Variants in NFIB observed in about 807,000 individuals in gnomAD.
NFIB encodes nuclear factor 1 B-type.
NFIB carries 11 observed loss-of-function variants against 61.5 expected under a neutral mutation model. The ratio of observed to expected loss-of-function variants is 0.18; its 90% CI spans 0.11 to 0.30. The LOEUF is 0.30. NFIB is among the 10% of genes least tolerant of loss of function. The pLI, the probability that NFIB is intolerant of heterozygous loss-of-function variation, is 1.00. For synonymous variants in NFIB, 260 were observed against 216.5 expected, an observed-to-expected ratio of 1.20 and a Z score of -1.76; for missense variants, 471 against 608.9, an observed-to-expected ratio of 0.77 and a Z score of 2.38.
the NFIB span, among the ~76,000 whole-genome samples, chr9:14,518,901 G>T: frequency 6.6e-6 from 1 of 152,108 alleles, no homozygotes. Flanking sequence ...TGGGAGATGG[G>T]GGATTCCCAC....
chr9:14,159,622 G>A (rs909958715), intron 3 of NFIB, among the ~76,000 whole-genome samples: 7 of 152,218 alleles, frequency 4.6e-5, no homozygotes, highest in African/African-American at 1.4e-4. Context: ...TAACCAAGAC[G>A]TGGCAGAGTG....
At chr9:14,228,430 A>G (rs1216908973) in intron 2 of NFIB, among the ~76,000 whole-genome samples, 3 of 152,054 alleles carry the variant, frequency 2.0e-5, no homozygotes, top group Non-Finnish European at 2.9e-5. Flanking sequence ...TCCTGACCTC[A>G]GGTCATCTAC....
At chr9:14,190,651 T>C (rs191965815) in intron 2 of NFIB, among the ~76,000 whole-genome samples, 48 of 152,312 alleles carry the variant, frequency 3.2e-4, no homozygotes, top group Non-Finnish European at 1.5e-5. Context: ...GAGACAGTAA[T>C]TTCCTCTTGC....
At chr9:14,160,219 C>A (rs1420382289) in intron 3 of NFIB, among the ~76,000 whole-genome samples, 1 of 151,976 alleles carries the variant, frequency 6.6e-6, no homozygotes, top group Non-Finnish European at 1.5e-5. Context: ...TTTTATTTTT[C>A]TCTGACAAAA....
At chr9:14,424,694 T>A in the NFIB span, among the ~76,000 whole-genome samples, 4 of 152,212 alleles carry the variant, frequency 2.6e-5, no homozygotes, top group African/African-American at 9.6e-5. Context: ...TCTTATTGAC[T>A]CAGAGGCAGA....
chr9:14,360,791 G>A (rs763515126), intron 1 of NFIB, among the ~76,000 whole-genome samples: 2 of 151,948 alleles, frequency 1.3e-5, no homozygotes, highest in African/African-American at 2.4e-5. Context: ...TCATCCGCCC[G>A]CCTGGGCCTC....
At chr9:14,116,591 C>T (rs2038180838) in intron 8 of NFIB, among the ~76,000 whole-genome samples, 1 of 152,208 alleles carries the variant, frequency 6.6e-6, no homozygotes, top group Non-Finnish European at 1.5e-5. Flanking sequence ...CTTTACAGCA[C>T]CCCTGAGAGC....
intron 2 of NFIB, among the ~76,000 whole-genome samples, chr9:14,187,620 C>T (rs2131524367): frequency 6.6e-6 from 1 of 152,178 alleles, no homozygotes; most frequent in South Asian, 2.1e-4. Flanking sequence ...TATCATTAAG[C>T]TTTCTTTTAA....
chr9:14,295,926 T>C lies in NFIB; in HGVS notation c.562+11063A>G, dbSNP rs774518923. ...TAGATTGATCAATAAATTTAGTCTC[T>C]GGTAAATCTGAGACAAAAAGGCTTC... On this transcript the variant is annotated intron_variant, in intron 2 of 10. Coordinates refer to ENST00000380953, the MANE Select transcript of NFIB (RefSeq NM_001190737.2). Among the ~76,000 whole-genome samples, 4 of 152,206 alleles carry C rather than the reference T, an allele frequency of 2.6e-5. No individual in the cohort carries two copies. The South Asian group carries it at 6.2e-4, about 24-fold the overall frequency.
At chr9:14,092,303 C>T (rs973412211) in intron 10 of NFIB, among the ~76,000 whole-genome samples, 4 of 152,024 alleles carry the variant, frequency 2.6e-5, no homozygotes, top group African/African-American at 4.8e-5. Context: ...AACTTCCAGA[C>T]GATAGCCATG....
At chr9:14,165,966 G>A (rs1323736612) in intron 3 of NFIB, among the ~76,000 whole-genome samples, 2 of 152,064 alleles carry the variant, frequency 1.3e-5, no homozygotes, top group African/African-American at 4.8e-5. Flanking sequence ...CTACTGTATT[G>A]TACACTTAAA....
chr9:14,361,226 G>A (rs1019286929), intron 1 of NFIB: 2 of 149,046 alleles, frequency 1.3e-5, no homozygotes, highest in Admixed American at 6.7e-5. Flanking sequence ...TCAGCTCCTT[G>A]AGAGTTGATT....
chr9:14,421,118 G>A, the NFIB span, among the ~76,000 whole-genome samples: 1 of 149,168 alleles, frequency 6.7e-6, no homozygotes, highest in Non-Finnish European at 1.5e-5. Flanking sequence ...TATACCATGT[G>A]CAAAACTGTA....
chr9:14,295,295 A>T (rs950977019), intron 2 of NFIB, among the ~76,000 whole-genome samples: 1 of 152,216 alleles, frequency 6.6e-6, no homozygotes, highest in Non-Finnish European at 1.5e-5. Context: ...TTCGGACTTT[A>T]AAAAGAGTCT....
chr9:14,402,581 G>C (rs1015804590), upstream of NFIB, among the ~76,000 whole-genome samples: 1 of 151,988 alleles, frequency 6.6e-6, no homozygotes, highest in Non-Finnish European at 1.5e-5. Context: ...GATTGTAAAA[G>C]AAAACATCAG....
At chr9:14,432,345 G>C in the NFIB span, among the ~76,000 whole-genome samples, 1 of 152,062 alleles carries the variant, frequency 6.6e-6, no homozygotes, top group Non-Finnish European at 1.5e-5. Context: ...AGTTGGTTCT[G>C]GTCATCTTTT....
At chr9:14,485,814 G>A in the NFIB span, among the ~76,000 whole-genome samples, 2 of 152,140 alleles carry the variant, frequency 1.3e-5, no homozygotes, top group African/African-American at 4.8e-5. Flanking sequence ...AGCAGAGGTT[G>A]CAGTGAGCTG....
chr9:14,148,386 A>G (rs1480555725), intron 5 of NFIB, among the ~76,000 whole-genome samples: 2 of 152,104 alleles, frequency 1.3e-5, no homozygotes, highest in African/African-American at 4.8e-5. Flanking sequence ...AGTACTGGGA[A>G]TCCAGCTGTG....
the NFIB span, among the ~76,000 whole-genome samples, chr9:14,481,907 T>A: frequency 5.3e-3 from 812 of 152,070 alleles, 6 homozygotes; most frequent in Admixed American, 6.7e-3. Flanking sequence ...CTCCCCTCAC[T>A]CCATTCCCTG....
Sources: allele counts gnomAD v4.1 joint callset (sites outside exome capture counted in the v4.1 genomes callset), GRCh38; gene constraint gnomAD v4.1.1; transcripts MANE v1.5; gene names NCBI Gene and HGNC (gene_info 2026-07-23, HGNC 2026-07-21).